The following TRMT11 variants were observed in gnomAD, a reference collection of about 807,000 sequenced individuals.
TRMT11 encodes tRNA (guanine(10)-N(2))-methyltransferase TRMT11.
A neutral mutation model predicts 62.8 loss-of-function variants in TRMT11; 53 were observed. The ratio of observed to expected loss-of-function variants is 0.84; its 90% CI spans 0.68 to 1.06. The LOEUF is 1.06. TRMT11 is among the 50% of genes least tolerant of loss of function. TRMT11 has a pLI of 0.00. For missense variants in TRMT11, 556 were observed against 553.4 expected, an observed-to-expected ratio of 1.00 and a Z score of -0.05; for synonymous variants, 188 against 190.3, an observed-to-expected ratio of 0.99 and a Z score of 0.10.
intron 11 of TRMT11, 121 bp from the exon 12 acceptor site, chr6:126,021,039 G>A: frequency 9.1e-7 from 1 of 1,101,968 alleles, no homozygotes; most frequent in South Asian, 1.6e-5. Context: ...TGGACAGTTA[G>A]CATATGTGGG....
chr6:126,152,962 C>T (rs534795398), intron 21 of TRMT11, among the ~76,000 whole-genome samples: 1 of 152,054 alleles, frequency 6.6e-6, no homozygotes, highest in Non-Finnish European at 1.5e-5. Context: ...CATTTTTGAC[C>T]AGAAGAATGT....
the TRMT11 span, among the ~76,000 whole-genome samples, chr6:126,241,581 A>G: frequency 6.6e-6 from 1 of 152,222 alleles, no homozygotes; most frequent in African/African-American, 2.4e-5. Flanking sequence ...CAACACATCA[A>G]AAAGCTTATC....
chr6:126,224,869 T>C, the TRMT11 span, among the ~76,000 whole-genome samples: 1 of 152,326 alleles, frequency 6.6e-6, no homozygotes, highest in Non-Finnish European at 1.5e-5. Context: ...GGCAAGTGCG[T>C]GCTGGTCGGG....
the TRMT11 span, among the ~76,000 whole-genome samples, chr6:126,260,064 A>C: frequency 2.6e-5 from 4 of 152,218 alleles, no homozygotes; most frequent in Admixed American, 2.6e-4. Context: ...ATTTACATTA[A>C]AGATTATTGT....
the TRMT11 span, among the ~76,000 whole-genome samples, chr6:126,222,921 T>C: frequency 1.3e-5 from 2 of 151,432 alleles, no homozygotes; most frequent in Non-Finnish European, 3.0e-5. Context: ...ATAGTGTCAA[T>C]GGTCTATGTA....
chr6:126,169,302 T>C (rs907538269), intron 21 of TRMT11, among the ~76,000 whole-genome samples: 1 of 152,204 alleles, frequency 6.6e-6, no homozygotes, highest in African/African-American at 2.4e-5. Flanking sequence ...TTTTCTTCCT[T>C]GAGACTCTAA....
chr6:126,030,067 A>T (rs530512601), intron 12 of TRMT11, among the ~76,000 whole-genome samples: 2 of 152,320 alleles, frequency 1.3e-5, no homozygotes, highest in African/African-American at 4.8e-5. Flanking sequence ...ATATGTAAAT[A>T]CCTAATTCAA....
intron 21 of TRMT11, among the ~76,000 whole-genome samples, chr6:126,170,655 C>T (rs1778319765): frequency 6.6e-6 from 1 of 152,108 alleles, no homozygotes; most frequent in African/African-American, 2.4e-5. Flanking sequence ...TCAGGTCTCA[C>T]TCCACACTTC....
chr6:126,064,491 T>A (rs187886649), intron 17 of TRMT11, among the ~76,000 whole-genome samples: 220 of 152,070 alleles, frequency 1.4e-3, no homozygotes, highest in Non-Finnish European at 2.3e-3. Context: ...AGCTATTAGA[T>A]CACATTTCCT....
chr6:126,213,109 A>G, the TRMT11 span, among the ~76,000 whole-genome samples: 8 of 152,026 alleles, frequency 5.3e-5, no homozygotes, highest in African/African-American at 1.9e-4. Context: ...CAGGTTCTCT[A>G]TTCTGTTCCA....
intron 17 of TRMT11, among the ~76,000 whole-genome samples, chr6:126,067,647 C>T (rs1344633072): frequency 6.6e-6 from 1 of 152,268 alleles, no homozygotes; most frequent in South Asian, 2.1e-4. Context: ...TGTAAACATT[C>T]TTTTACATGT....
the TRMT11 span, among the ~76,000 whole-genome samples, chr6:126,213,032 T>C: frequency 6.6e-6 from 1 of 152,176 alleles, no homozygotes; most frequent in African/African-American, 2.4e-5. Flanking sequence ...AACACTGTCC[T>C]ATTCCCAGTG....
rs544416307 is a variant in TRMT11, at chr6:126,169,076, C to A, written c.*1824-5749C>A. On this transcript the variant is annotated intron_variant and NMD_transcript_variant, in intron 21 of 22. Transcript: ENST00000648977. ...AGATCGCACCTAAGAATCTGCATTT[C>A]TTCAGTCTCCTGGAATGCAGGTGCA... Among the ~76,000 whole-genome samples the A allele has an allele frequency of 2.1e-3, 325 of 152,330 alleles. 1 individual carries two copies. Among genetic ancestry groups the A allele is most frequent in the Non-Finnish European group, 3.7e-3 (250 of 68,032 alleles).
At chr6:126,068,190 A>G (rs1385243855) in intron 17 of TRMT11, among the ~76,000 whole-genome samples, 1 of 152,100 alleles carries the variant, frequency 6.6e-6, no homozygotes, top group Non-Finnish European at 1.5e-5. Flanking sequence ...GTTTTTAAAA[A>G]ATATTCTGCA....
the TRMT11 span, among the ~76,000 whole-genome samples, chr6:126,268,133 A>G: frequency 6.6e-6 from 1 of 152,180 alleles, no homozygotes; most frequent in African/African-American, 2.4e-5. Flanking sequence ...CTATGAGGAT[A>G]ATTTCACAAA....
intron 12 of TRMT11, among the ~76,000 whole-genome samples, chr6:126,036,407 G>A (rs1311669123): frequency 6.6e-6 from 1 of 152,106 alleles, no homozygotes; most frequent in East Asian, 1.9e-4. Flanking sequence ...TGGAGGCAGG[G>A]CAGCTGGCCA....
chr6:126,155,403 G>A (rs2128225148), intron 21 of TRMT11, among the ~76,000 whole-genome samples: 1 of 152,196 alleles, frequency 6.6e-6, no homozygotes, highest in African/African-American at 2.4e-5. Context: ...GATCTGGAGG[G>A]GACAAACATC....
chr6:126,060,883 T>C (rs955051060), intron 17 of TRMT11, among the ~76,000 whole-genome samples: 4 of 152,358 alleles, frequency 2.6e-5, no homozygotes, highest in African/African-American at 7.2e-5. Context: ...ACAAATGCAT[T>C]GTTTATGTAG....
At chr6:126,188,791 C>T (rs984526070) in intron 1 of TRMT11, among the ~76,000 whole-genome samples, 2 of 152,054 alleles carry the variant, frequency 1.3e-5, no homozygotes, top group African/African-American at 4.8e-5. Context: ...CATGTATTGT[C>T]TTACAACCAA....
Sources: gnomAD v4.1 joint callset for allele counts (sites outside exome capture counted in the v4.1 genomes callset) on GRCh38, gnomAD v4.1.1 for gene constraint, MANE v1.5 for transcripts, NCBI Gene and HGNC (gene_info 2026-07-23, HGNC 2026-07-21) for gene names.